The following CDC42BPA variants were observed in gnomAD, a reference collection of about 807,000 sequenced individuals.
CDC42BPA encodes the protein serine/threonine-protein kinase MRCK alpha.
Under a neutral mutation model 223.5 loss-of-function variants are expected in CDC42BPA, and 80 were observed. The ratio of observed to expected loss-of-function variants is 0.36; its 90% confidence interval spans 0.30 to 0.43. CDC42BPA has a LOEUF of 0.43. Ranked by LOEUF, CDC42BPA falls within the 20% of genes least tolerant of loss-of-function variation. CDC42BPA has a pLI of 1.00. For synonymous variants in CDC42BPA, 694 were observed against 718.6 expected (o/e 0.97, Z 0.55); for missense variants, 1,743 against 2,099.9 (o/e 0.83, Z 3.32).
At chr1:227,261,258 G>C (rs1684016826) in intron 1 of CDC42BPA, among the ~76,000 whole-genome samples, 1 of 150,138 alleles carries the variant, frequency 6.7e-6, no homozygotes, top group South Asian at 2.1e-4. Context: ...TGTAATTACA[G>C]GTGCGTGCCA....
rs374927073 is a variant in CDC42BPA, at chr1:227,109,108, TG to T, written c.2001+3203del. ...GGTATGTCATATAGAGCATTATGAA[TG>T]GAACTTAACAGGACTGGAAATTGGC... On this transcript the variant is annotated intron_variant, in intron 14 of 36. Transcript: ENST00000366766. 1.3e-3 allele frequency among the ~76,000 whole-genome samples: 192 copies of T among 152,298 alleles called. 2 individuals are homozygous for T. Among genetic ancestry groups the T allele is most frequent in the African/African-American group, 4.3e-3 (177 of 41,574 alleles).
At chr1:227,296,161 A>T (rs2148691784) in intron 1 of CDC42BPA, among the ~76,000 whole-genome samples, 1 of 152,342 alleles carries the variant, frequency 6.6e-6, no homozygotes, top group Admixed American at 6.5e-5. Context: ...CAGAAGGATA[A>T]ACATATAGAT....
At chr1:227,142,744 C>A (rs936539542) in intron 9 of CDC42BPA, among the ~76,000 whole-genome samples, 1 of 152,034 alleles carries the variant, frequency 6.6e-6, no homozygotes, top group African/African-American at 2.4e-5. Flanking sequence ...CTCGGCCTCC[C>A]GAGTAGCTGG....
Position 227,242,774 on chromosome 1 carries a change from A to G in CDC42BPA, c.270+11290T>C, listed in dbSNP as rs535759581. ...ACATCTACATTGAAAAATATTCCTC[A>G]AAGAACAAAAACAGAAACACCATTT... On this transcript the variant is annotated intron_variant, in intron 2 of 36. Coordinates refer to ENST00000366766, the MANE Select transcript of CDC42BPA (RefSeq NM_001394014.1). Among the ~76,000 whole-genome samples, 66 of 152,302 alleles carry G rather than the reference A, an allele frequency of 4.3e-4. 1 individual carries two copies. The South Asian group carries it at 0.013, about 30-fold the overall frequency.
chr1:227,301,932 ATTGTT>A (rs1691705951), intron 1 of CDC42BPA, among the ~76,000 whole-genome samples: 1 of 151,634 alleles, frequency 6.6e-6, no homozygotes, highest in Non-Finnish European at 1.5e-5. Flanking sequence ...TATTTTTCTT[ATTGTT>A]TTCTCATTTG....
In CDC42BPA at chr1:227,074,028, T is replaced by G; in HGVS notation, c.2587-16A>C. Reference sequence around the variant, plus strand: ...AGGGCATATCCTATGAAATAATGACTGTGTTTTTAGTTCCATCCTATTTTT... The same window carrying G: ...AGGGCATATCCTATGAAATAATGACGGTGTTTTTAGTTCCATCCTATTTTT... On this transcript the variant is annotated splice_polypyrimidine_tract_variant and intron_variant, in intron 18 of 36. Transcript: ENST00000366766. 6.2e-7 allele frequency: 1 copy of G among 1,605,988 alleles called. No individual in the cohort carries two copies. Among genetic ancestry groups the G allele is most frequent in the Non-Finnish European group, 8.5e-7 (1 of 1,177,784 alleles).
chr1:227,036,726 G>A (rs548270543), intron 24 of CDC42BPA, among the ~76,000 whole-genome samples: 11 of 152,110 alleles, frequency 7.2e-5, no homozygotes, highest in African/African-American at 1.2e-4. Flanking sequence ...CACCGCGCCC[G>A]GCCTTCAATT....
At chr1:227,189,507 T>C (rs1669368685) in intron 5 of CDC42BPA, among the ~76,000 whole-genome samples, 1 of 152,204 alleles carries the variant, frequency 6.6e-6, no homozygotes, top group Non-Finnish European at 1.5e-5. Context: ...TCATCTCACC[T>C]TCCCAATAGT....
intron 1 of CDC42BPA, among the ~76,000 whole-genome samples, chr1:227,277,851 A>G (rs1687369477): frequency 6.6e-6 from 1 of 152,076 alleles, no homozygotes; most frequent in Non-Finnish European, 1.5e-5. Context: ...CATGGTTCAC[A>G]TCATTCTCCT....
chr1:227,241,670 A>G (rs553339024), intron 2 of CDC42BPA, among the ~76,000 whole-genome samples: 1 of 152,264 alleles, frequency 6.6e-6, no homozygotes, highest in Non-Finnish European at 1.5e-5. Flanking sequence ...ATTTGATGGA[A>G]GCTGTGGGGA....
At chr1:227,044,386 A>G (rs1312814855) in intron 23 of CDC42BPA, among the ~76,000 whole-genome samples, 3 of 151,858 alleles carry the variant, frequency 2.0e-5, no homozygotes, top group Non-Finnish European at 4.4e-5. Context: ...TTGAGATCTT[A>G]TATTTATTCC....
chr1:227,059,708 A>G (rs1190745367), intron 21 of CDC42BPA, among the ~76,000 whole-genome samples: 7 of 152,222 alleles, frequency 4.6e-5, no homozygotes, highest in Admixed American at 3.9e-4. Context: ...TGGCAGTAGC[A>G]GACTGGAACA....
intron 1 of CDC42BPA, among the ~76,000 whole-genome samples, chr1:227,304,630 T>G (rs1309271659): frequency 6.6e-6 from 1 of 152,222 alleles, no homozygotes; most frequent in Non-Finnish European, 1.5e-5. Flanking sequence ...ACGGCATAAT[T>G]CATTCAACCT....
chr1:226,991,765 G>T lies in CDC42BPA; in HGVS notation c.*2503C>A, dbSNP rs559156344. ...AGCAGTGGAGCTAGACTTTAGGTAGGGTTATTATTTTGATCTTAAAAGCAT... is the reference window on the plus strand; with the variant it reads ...AGCAGTGGAGCTAGACTTTAGGTAGTGTTATTATTTTGATCTTAAAAGCAT... On this transcript the variant is annotated 3_prime_UTR_variant, in exon 37 of 37. Transcript: ENST00000366766. 8.6e-5 allele frequency: 13 copies of T among 151,432 alleles called. No homozygotes were observed. The East Asian group carries it at 2.5e-3, about 29-fold the overall frequency. 9.4% of individuals were successfully genotyped at this position (151,432 alleles called of 1,614,324 possible).
At chr1:227,299,683 C>G (rs1448015700) in intron 1 of CDC42BPA, among the ~76,000 whole-genome samples, 1 of 151,720 alleles carries the variant, frequency 6.6e-6, no homozygotes, top group Non-Finnish European at 1.5e-5. Flanking sequence ...ATGTTTTTCC[C>G]TTTAGATAAA....
chr1:227,208,085 G>A (rs1673138622), intron 3 of CDC42BPA, among the ~76,000 whole-genome samples: 1 of 99,162 alleles, frequency 1.0e-5, no homozygotes, highest in South Asian at 3.9e-4. Flanking sequence ...GTATCTCATT[G>A]TGGTTTTGAT....
chr1:227,058,967 G>C (rs1675198501), intron 21 of CDC42BPA, among the ~76,000 whole-genome samples: 1 of 150,182 alleles, frequency 6.7e-6, no homozygotes, highest in East Asian at 1.9e-4. Flanking sequence ...TTTGAATGTT[G>C]TACAACATGA....
intron 14 of CDC42BPA, among the ~76,000 whole-genome samples, chr1:227,108,203 T>C (rs1278397351): frequency 1.3e-5 from 2 of 152,216 alleles, no homozygotes; most frequent in Admixed American, 1.3e-4. Flanking sequence ...TTTTACTTTC[T>C]TCCCTTTTAG....
chr1:227,145,707 C>A lies in CDC42BPA; in HGVS notation c.925G>T (p.Asp309Tyr). 6.2e-7 allele frequency: 1 copy of A among 1,613,628 alleles called. No individual in the cohort carries two copies. The highest frequency in any genetic ancestry group is 8.5e-7 in the Non-Finnish European group (1 of 1,179,662). The change falls in exon 8 of 37, where the codon GAT becomes TAT. Residue 309 changes from aspartate (D) to tyrosine (Y), a missense_variant. Coordinates refer to ENST00000366766, the MANE Select transcript of CDC42BPA (RefSeq NM_001394014.1). ...ERFQFPAQVT[D>Y]VSENAKDLIR... ...AGATCCTTAGCATTTTCAGACACAT[C>A]AGTCACTTGGGCTGGAAACTGAAAC... is the stretch of plus-strand genomic sequence containing the variant.
Sources: allele counts gnomAD v4.1 joint callset (sites outside exome capture counted in the v4.1 genomes callset), GRCh38; gene constraint gnomAD v4.1.1; transcripts MANE v1.5; gene names NCBI Gene and HGNC (gene_info 2026-07-23, HGNC 2026-07-21).